Variants in CHEK1 observed in about 807,000 individuals in gnomAD.
CHEK1 encodes checkpoint kinase 1, also known as serine/threonine-protein kinase Chk1.
A neutral mutation model predicts 60.2 loss-of-function variants in CHEK1; 32 were observed. The observed-to-expected ratio is 0.53, with a 90% confidence interval of 0.40 to 0.71. CHEK1 has a LOEUF of 0.71. CHEK1 is among the 30% of genes least tolerant of loss of function. The probability of loss-of-function intolerance (pLI) is 0.00; values close to 1 mark genes in which losing one functional copy is unlikely to be tolerated. For synonymous variants in CHEK1, 179 were observed against 187.2 expected (o/e 0.96, Z 0.36); for missense variants, 399 against 564.6 (o/e 0.71, Z 2.97).
At chr11:125,631,861 CAAAAAAAAAAAAA>C (rs57281904) in intron 5 of CHEK1, among the ~76,000 whole-genome samples, 13 of 51,378 alleles carry the variant, frequency 2.5e-4, no homozygotes, top group South Asian at 2.7e-3. Context: ...GACACTTTCT[CAAAAAAAAAAAAA>C]AAAAAAAAAA....
intron 11 of CHEK1, among the ~76,000 whole-genome samples, chr11:125,646,566 C>G (rs1332406826): frequency 1.3e-5 from 2 of 152,124 alleles, no homozygotes; most frequent in Admixed American, 1.3e-4. Context: ...TTCCAAAGCA[C>G]CTGTACCATT....
chr11:125,636,899 C>T (rs1288728270), intron 7 of CHEK1, among the ~76,000 whole-genome samples: 1 of 151,904 alleles, frequency 6.6e-6, no homozygotes, highest in Non-Finnish European at 1.5e-5. Context: ...TTAAAAGTTC[C>T]CTATGTTTTC....
At position 125,637,564 on chromosome 11, in the gene CHEK1, A is replaced by AGTTT. The variant is rs747773281; in HGVS notation, c.814+29_814+32dup. On this transcript the variant is annotated intron_variant, in intron 8 of 12. Transcript: ENST00000438015. The stretch of plus-strand genomic sequence containing the variant: ...AGAAAGGTAATATCCTTAAACTACA[A>AGTTT]GTTTGTTTGTTTTTCTGTGGAAGAA... 6 of 1,551,514 alleles carry AGTTT rather than the reference A, an allele frequency of 3.9e-6. No homozygotes were observed. The African/African-American group carries it at 6.9e-5, about 18-fold the overall frequency.
intron 10 of CHEK1, 98 bp from the exon 11 acceptor site, chr11:125,644,414 C>A: frequency 2.7e-6 from 4 of 1,487,046 alleles, no homozygotes; most frequent in African/African-American, 1.4e-5. Flanking sequence ...AGGAGGGAGG[C>A]CTTCATGCAA....
Position 125,655,814 on chromosome 11 carries a change from C to G in CHEK1, c.*494C>G. ...TCAAAACATATCCCCAAGATTTGTA[C>G]TTATATTTTCAAAAGGGCCTGGCCA... On this transcript the variant is annotated 3_prime_UTR_variant, in exon 13 of 13. Coordinates refer to ENST00000438015, the MANE Select transcript of CHEK1 (RefSeq NM_001114122.3). 4.7e-6 allele frequency: 1 copy of G among 214,044 alleles called. No homozygotes were observed. Among genetic ancestry groups the G allele is most frequent in the East Asian group, 7.0e-5 (1 of 14,268 alleles). 13.3% of individuals were successfully genotyped at this position (214,044 alleles called of 1,614,324 possible). A position where few individuals can be genotyped will look rare whatever the true frequency, so the allele number is the denominator to read the frequency against.
chr11:125,644,408 G>A, intron 10 of CHEK1, 104 bp from the exon 11 acceptor site: 11 of 1,479,636 alleles, frequency 7.4e-6, no homozygotes, highest in Non-Finnish European at 9.1e-6. Context: ...AAAGAGAGGA[G>A]GGAGGCCTTC....
intron 8 of CHEK1, among the ~76,000 whole-genome samples, chr11:125,640,853 T>A (rs1941276721): frequency 6.6e-6 from 1 of 152,280 alleles, no homozygotes; most frequent in East Asian, 1.9e-4. Context: ...GTTCTCAAAC[T>A]GCTGGGCTTA....
chr11:125,641,797 T>TG (rs1237217485), intron 8 of CHEK1, among the ~76,000 whole-genome samples: 11 of 152,172 alleles, frequency 7.2e-5, no homozygotes, highest in South Asian at 2.1e-4. Flanking sequence ...TACCTTTTTT[T>TG]TTTTTACCTC....
chr11:125,662,204 G>C (rs546846039), intron 13 of CHEK1, among the ~76,000 whole-genome samples: 1 of 152,224 alleles, frequency 6.6e-6, no homozygotes, highest in African/African-American at 2.4e-5. Flanking sequence ...TGGAGTCTGG[G>C]AAGTCCGAGT....
downstream of CHEK1, among the ~76,000 whole-genome samples, chr11:125,679,546 A>G (rs548761460): frequency 1.1e-4 from 17 of 152,316 alleles, no homozygotes; most frequent in African/African-American, 3.8e-4. Flanking sequence ...CTGTCAGACA[A>G]ATATTCCTTA....
downstream of CHEK1, chr11:125,680,753 G>T (rs769863232): frequency 1.2e-6 from 2 of 1,613,682 alleles, no homozygotes; most frequent in Non-Finnish European, 1.7e-6. Context: ...AGCAGATAAA[G>T]ACTCATTAGC....
At position 125,625,699 on chromosome 11, in the gene CHEK1, G is replaced by T; in HGVS notation, c.-334G>T. The T allele has an allele frequency of 1.6e-6, 1 of 636,302 alleles. No homozygotes were observed. The highest frequency in any genetic ancestry group is 2.9e-6 in the Non-Finnish European group (1 of 346,730). 39.4% of individuals were successfully genotyped at this position (636,302 alleles called of 1,614,324 possible). A position where few individuals can be genotyped will look rare whatever the true frequency, so the allele number is the denominator to read the frequency against. ...CTTCCCCCAGCAGCGCTCGAGCACCGCCCAGTCGAGCCTCACACCGGATGC... is the reference window on the plus strand; with the variant it reads ...CTTCCCCCAGCAGCGCTCGAGCACCTCCCAGTCGAGCCTCACACCGGATGC... On this transcript the variant is annotated 5_prime_UTR_variant, in exon 1 of 13. Coordinates refer to ENST00000438015, the MANE Select transcript of CHEK1 (RefSeq NM_001114122.3).
At chr11:125,639,128 C>G (rs1941183989) in intron 8 of CHEK1, among the ~76,000 whole-genome samples, 1 of 151,918 alleles carries the variant, frequency 6.6e-6, no homozygotes, top group Admixed American at 6.6e-5. Context: ...TCCTTGTCCC[C>G]TTCTCTCTTC....
chr11:125,630,875 T>A (rs1420454812), intron 5 of CHEK1, among the ~76,000 whole-genome samples: 1 of 152,054 alleles, frequency 6.6e-6, no homozygotes, highest in Non-Finnish European at 1.5e-5. Context: ...CAACAATAAA[T>A]TATGAAATGC....
intron 5 of CHEK1, 78 bp downstream of exon 5, chr11:125,629,538 A>G: frequency 1.9e-6 from 2 of 1,080,026 alleles, no homozygotes; most frequent in South Asian, 3.3e-5. Flanking sequence ...AATTATTTTA[A>G]TATAGCCATA....
chr11:125,625,881 C>G lies in CHEK1; in HGVS notation c.-152C>G. 1.4e-6 allele frequency: 1 copy of G among 702,664 alleles called. No individual in the cohort carries two copies. Among genetic ancestry groups the G allele is most frequent in the Non-Finnish European group, 2.6e-6 (1 of 385,018 alleles). The allele number at this position is 702,664 out of a possible 1,614,324, so 43.5% of individuals were successfully genotyped here. ...TTGGAGCCGCCGACATTCAGAGGGG[C>G]AGGACACGGGAACGCGCGCTGTCTT... On this transcript the variant is annotated 5_prime_UTR_variant, in exon 1 of 13. Transcript: ENST00000438015.
chr11:125,678,138 C>A, downstream of CHEK1: 1 of 1,614,196 alleles, frequency 6.2e-7, no homozygotes, highest in Admixed American at 1.7e-5. Context: ...ACCATGCTCA[C>A]TGGAACCATG....
At chr11:125,673,212 C>T (rs11220181) in intron 13 of CHEK1, among the ~76,000 whole-genome samples, 30 of 126,828 alleles carry the variant, frequency 2.4e-4, no homozygotes, top group African/African-American at 4.4e-4. Flanking sequence ...CTTTTCTTTT[C>T]TTTTTTTTTT....
intron 11 of CHEK1, among the ~76,000 whole-genome samples, chr11:125,650,064 G>A (rs540582373): frequency 1.8e-4 from 27 of 151,792 alleles, no homozygotes; most frequent in Non-Finnish European, 3.4e-4. Context: ...CATTCTGTTC[G>A]GAGTTCGTTG....
Sources: gnomAD v4.1 joint callset for allele counts (sites outside exome capture counted in the v4.1 genomes callset) on GRCh38, gnomAD v4.1.1 for gene constraint, MANE v1.5 for transcripts, NCBI Gene and HGNC (gene_info 2026-07-23, HGNC 2026-07-21) for gene names.